UGGT2: variants seen among roughly 807,000 people sequenced by gnomAD.
UGGT2 encodes UDP-glucose glycoprotein glucosyltransferase 2.
In UGGT2, 180 loss-of-function variants were observed where a neutral mutation model predicts 192.1. The ratio of observed to expected loss-of-function variants is 0.94; its 90% CI spans 0.83 to 1.06. The LOEUF (loss-of-function observed/expected upper bound fraction) is 1.06. UGGT2 is among the 50% of genes least tolerant of loss of function. The pLI is 0.00. For synonymous variants in UGGT2, 580 were observed against 591.0 expected, an observed-to-expected ratio of 0.98 and a Z score of 0.27; for missense variants, 1,849 against 1,795.7, an observed-to-expected ratio of 1.03 and a Z score of -0.54.
In UGGT2 at chr13:95,802,826, T is replaced by TTTGC. The variant is rs1376166552; in HGVS notation, c.4529-1015_4529-1014insGCAA. 2.0e-5 allele frequency among the ~76,000 whole-genome samples: 3 copies of TTTGC among 152,064 alleles called. No homozygotes were observed. The East Asian group carries it at 5.8e-4, about 29-fold the overall frequency. ...TTAGCTATCCTTTTTTGTTTGTTTG[T>TTTGC]TTGTTTGTTTGTTTGTTTGTTTTTT... On this transcript the variant is annotated intron_variant, in intron 38 of 38. Transcript: ENST00000376747.
At chr13:95,915,743 A>T (rs960493200) in intron 20 of UGGT2, among the ~76,000 whole-genome samples, 2 of 152,162 alleles carry the variant, frequency 1.3e-5, no homozygotes, top group Non-Finnish European at 2.9e-5. Context: ...CCAGACAAGG[A>T]AGGTTCCCCC....
intron 1 of UGGT2, among the ~76,000 whole-genome samples, chr13:96,045,430 C>A (rs551791825): frequency 6.6e-6 from 1 of 152,268 alleles, no homozygotes; most frequent in East Asian, 1.9e-4. Context: ...TGGAACAAGG[C>A]AACCATGCCC....
At chr13:95,911,242 C>T (rs2048485718) in intron 20 of UGGT2, among the ~76,000 whole-genome samples, 2 of 152,014 alleles carry the variant, frequency 1.3e-5, no homozygotes. Context: ...AAGATCAGAG[C>T]AGAACTGAAG....
rs1198287822 is a variant in UGGT2 at position 95,965,145 on chromosome 13, A to T, written c.1335+4967T>A. On this transcript the variant is annotated intron_variant, in intron 12 of 38. Coordinates refer to ENST00000376747, the MANE Select transcript of UGGT2 (RefSeq NM_020121.4). ...GGAACACTTTTACACTGTTGGTGGG[A>T]CTGTAAACTAGTTCAACCATTGTGG... 6.3e-3 allele frequency among the ~76,000 whole-genome samples: 946 copies of T among 151,188 alleles called. 11 individuals are homozygous for T. Among genetic ancestry groups the T allele is most frequent in the African/African-American group, 0.022 (897 of 41,124 alleles).
intron 2 of UGGT2, among the ~76,000 whole-genome samples, chr13:96,027,642 G>A (rs761308440): frequency 6.9e-4 from 105 of 152,238 alleles, no homozygotes; most frequent in African/African-American, 2.4e-3. Flanking sequence ...AAGACTTAAC[G>A]ACACGTAGCT....
intron 20 of UGGT2, among the ~76,000 whole-genome samples, chr13:95,904,629 C>T (rs540153566): frequency 6.6e-6 from 1 of 152,156 alleles, no homozygotes; most frequent in South Asian, 2.1e-4. Context: ...ATGAACTCAT[C>T]ATTTTTTATG....
intron 12 of UGGT2, 145 bp downstream of exon 12, chr13:95,969,967 G>A (rs1283870899): frequency 7.0e-6 from 5 of 715,946 alleles, no homozygotes; most frequent in East Asian, 2.9e-5. Context: ...TGGGAGAGGA[G>A]ATGGGTCTAT....
At chr13:96,039,286 C>T (rs953661518) in intron 1 of UGGT2, among the ~76,000 whole-genome samples, 1 of 152,192 alleles carries the variant, frequency 6.6e-6, no homozygotes, top group African/African-American at 2.4e-5. Context: ...AGCCTTCTTT[C>T]ATTTTGTCTT....
chr13:95,830,355 G>A (rs1249651928), intron 38 of UGGT2, among the ~76,000 whole-genome samples: 3 of 152,120 alleles, frequency 2.0e-5, no homozygotes, highest in Admixed American at 1.3e-4. Flanking sequence ...CCTACAGAAT[G>A]GGAGAAAATT....
intron 38 of UGGT2, among the ~76,000 whole-genome samples, chr13:95,806,172 A>C (rs1003433245): frequency 4.6e-5 from 7 of 152,156 alleles, no homozygotes. Flanking sequence ...ATAGCTGTAA[A>C]CACTAACATC....
rs142586515 is a variant in UGGT2 at position 95,853,484 on chromosome 13, C to T, written c.4284+59G>A. On this transcript the variant is annotated intron_variant, in intron 36 of 38. Transcript: ENST00000376747. ...TATAAGACTTTAAAGTTTATGAGCA[C>T]GGAGTTGGAACAGTCTATGTACACA... 9.8e-3 allele frequency: 13,278 copies of T among 1,353,994 alleles called. 127 individuals are homozygous for T. Among genetic ancestry groups the T allele is most frequent in the South Asian group, 0.01 (809 of 77,362 alleles). The allele number at this position is 1,353,994 out of a possible 1,614,324, so 83.9% of individuals were successfully genotyped here. A position where few individuals can be genotyped will look rare whatever the true frequency, so the allele number is the denominator to read the frequency against.
chr13:95,986,265 C>G (rs1464648724), intron 9 of UGGT2, 68 bp downstream of exon 9: 2 of 1,109,224 alleles, frequency 1.8e-6, no homozygotes, highest in South Asian at 1.4e-5. Context: ...ATGAAATCAG[C>G]TATTTTCATA....
intron 26 of UGGT2, 141 bp from the exon 27 acceptor site, chr13:95,884,821 G>A (rs1459598140): frequency 5.4e-6 from 4 of 740,734 alleles, no homozygotes; most frequent in African/African-American, 3.6e-5. Context: ...CTGCAGAAAA[G>A]TTAATGCTTA....
chr13:95,978,642 C>T (rs1360110705), intron 10 of UGGT2, among the ~76,000 whole-genome samples: 2 of 152,172 alleles, frequency 1.3e-5, no homozygotes, highest in East Asian at 3.9e-4. Flanking sequence ...TTTCTTCTAG[C>T]AGTTTCACAG....
At chr13:95,925,600 T>C in intron 20 of UGGT2, 80 bp downstream of exon 20, 2 of 941,156 alleles carry the variant, frequency 2.1e-6, no homozygotes, top group Non-Finnish European at 3.0e-6. Flanking sequence ...GAGGGGAAAA[T>C]ATTTAATGTA....
At chr13:95,848,632 T>C (rs1888714430) in intron 36 of UGGT2, among the ~76,000 whole-genome samples, 3 of 152,226 alleles carry the variant, frequency 2.0e-5, no homozygotes, top group Admixed American at 2.0e-4. Flanking sequence ...ATTGTTCCAT[T>C]GATCTATTTT....
intron 29 of UGGT2, among the ~76,000 whole-genome samples, chr13:95,876,072 A>AC (rs933787825): frequency 5.3e-5 from 8 of 152,118 alleles, no homozygotes; most frequent in Non-Finnish European, 1.0e-4. Context: ...AATTGTTAAA[A>AC]AAATAATTTT....
chr13:95,894,573 C>T lies in UGGT2; in HGVS notation c.2844G>A (p.Arg948=), dbSNP rs574244544. 2 of 1,609,350 alleles carry T rather than the reference C, an allele frequency of 1.2e-6. No individual in the cohort carries two copies. The highest frequency in any genetic ancestry group is 2.2e-5 in the East Asian group (1 of 44,688). Residue 948 remains arginine (R), a synonymous_variant, in exon 24 of 39, where the codon AGG becomes AGA. Coordinates refer to ENST00000376747, the MANE Select transcript of UGGT2 (RefSeq NM_020121.4). Reference sequence around the variant, plus strand: ...GAATACATTCTTACCTGTGATTCTCCCTAAGAAATGTGACATCATATCGAG... The same window carrying T: ...GAATACATTCTTACCTGTGATTCTCTCTAAGAAATGTGACATCATATCGAG... ...RASRYDVTFL[R]ENHSVIKTNP...
chr13:95,997,518 G>A (rs1173475766), intron 6 of UGGT2, among the ~76,000 whole-genome samples: 5 of 151,856 alleles, frequency 3.3e-5, no homozygotes, highest in Admixed American at 2.0e-4. Flanking sequence ...TGGCAGGCGC[G>A]TGTAATCCCA....
Sources: allele counts gnomAD v4.1 joint callset (sites outside exome capture counted in the v4.1 genomes callset), GRCh38; gene constraint gnomAD v4.1.1; transcripts MANE v1.5; gene names NCBI Gene and HGNC (gene_info 2026-07-23, HGNC 2026-07-21).